GLRA2: variants seen among roughly 807,000 people sequenced by gnomAD.
GLRA2 encodes glycine receptor alpha 2, also known as glycine receptor subunit alpha-2.
GLRA2 carries 11 observed loss-of-function variants against 31.6 expected under a neutral mutation model. That is an observed-to-expected ratio of 0.35 (90% CI 0.22 to 0.58). The LOEUF is 0.58. Among genes scored for constraint, GLRA2 ranks in the 20% least tolerant of loss-of-function variants. The probability of loss-of-function intolerance (pLI) is 0.84; values close to 1 mark genes in which losing one functional copy is unlikely to be tolerated. For synonymous variants in GLRA2, 132 were observed against 134.0 expected (o/e 0.99, Z 0.10); for missense variants, 212 against 351.8 (o/e 0.60, Z 3.18).
chrX:14,519,634 C>A, the GLRA2 span, among the ~76,000 whole-genome samples: 1 of 111,949 alleles, frequency 8.9e-6, no homozygotes, highest in Admixed American at 9.5e-5. Flanking sequence ...TATAAACCTG[C>A]AAGGCTAAGA....
chrX:14,507,653 G>A, the GLRA2 span, among the ~76,000 whole-genome samples: 13 of 101,547 alleles, frequency 1.3e-4, no homozygotes, highest in Non-Finnish European at 7.9e-5. Flanking sequence ...GAAAATGTCC[G>A]ACCGACCACT....
chrX:14,725,076 ATAAC>A (rs948789879), intron 8 of GLRA2, among the ~76,000 whole-genome samples: 5 of 112,047 alleles, frequency 4.5e-5, no homozygotes, highest in African/African-American at 1.6e-4. Flanking sequence ...TATTAGCACT[ATAAC>A]TATAGGAAGC....
intron 2 of GLRA2, among the ~76,000 whole-genome samples, chrX:14,551,084 T>C: frequency 8.9e-6 from 1 of 112,146 alleles, no homozygotes; most frequent in Non-Finnish European, 1.9e-5. Flanking sequence ...TTATCATCCC[T>C]ATTTCACAGA....
chrX:14,606,959 C>T (rs1280788089), intron 5 of GLRA2, among the ~76,000 whole-genome samples, 172 bp from the exon 6 acceptor site: 2 of 112,238 alleles, frequency 1.8e-5, no homozygotes, highest in Admixed American at 9.5e-5. Flanking sequence ...TCTTTGGCTC[C>T]AATGACACAG....
chrX:14,595,852 T>G (rs1472221762), intron 4 of GLRA2, among the ~76,000 whole-genome samples: 1 of 112,257 alleles, frequency 8.9e-6, no homozygotes, highest in Non-Finnish European at 1.9e-5. Flanking sequence ...AGTTCAATAA[T>G]AAATTGAAAC....
intron 4 of GLRA2, among the ~76,000 whole-genome samples, chrX:14,592,702 A>C (rs1222371037): frequency 8.9e-6 from 1 of 111,857 alleles, no homozygotes; most frequent in African/African-American, 3.2e-5. Flanking sequence ...TATAGTTTAC[A>C]CAATGACAAA....
intron 8 of GLRA2, among the ~76,000 whole-genome samples, chrX:14,692,454 A>G (rs1052900823): frequency 9.8e-5 from 11 of 111,978 alleles, no homozygotes; most frequent in African/African-American, 2.9e-4. Flanking sequence ...GCAACTGTCT[A>G]TTGGTCAGTG....
intron 3 of GLRA2, among the ~76,000 whole-genome samples, chrX:14,576,688 C>G (rs1175189071): frequency 8.9e-6 from 1 of 112,175 alleles, no homozygotes; most frequent in Admixed American, 9.5e-5. Context: ...CTATGGATAT[C>G]CTTGTTTTCT....
intron 2 of GLRA2, among the ~76,000 whole-genome samples, chrX:14,548,001 TCTGTACCAATGCAAA>T (rs1484121763): frequency 1.8e-5 from 2 of 112,161 alleles, no homozygotes; most frequent in East Asian, 5.6e-4. Flanking sequence ...AATCTCAGAA[TCTGTACCAATGCAAA>T]CTTGAATATT....
chrX:14,450,290 A>C, the GLRA2 span, among the ~76,000 whole-genome samples: 8 of 112,246 alleles, frequency 7.1e-5, no homozygotes, highest in Admixed American at 4.7e-4. Context: ...TGCCAAGCTC[A>C]GAGGACTAGT....
chrX:14,719,418 A>G (rs1168050629), intron 8 of GLRA2, among the ~76,000 whole-genome samples: 1 of 112,328 alleles, frequency 8.9e-6, no homozygotes, highest in Non-Finnish European at 1.9e-5. Flanking sequence ...TTCTCAAAAG[A>G]AGACATACAA....
At chrX:14,709,599 GAACA>G (rs1303983136) in intron 8 of GLRA2, among the ~76,000 whole-genome samples, 1 of 112,222 alleles carries the variant, frequency 8.9e-6, no homozygotes, top group East Asian at 2.8e-4. Context: ...AAGCGACAGT[GAACA>G]AACAAATGGT....
the GLRA2 span, among the ~76,000 whole-genome samples, chrX:14,516,579 C>T: frequency 9.0e-6 from 1 of 111,408 alleles, no homozygotes; most frequent in Non-Finnish European, 1.9e-5. Flanking sequence ...GGAATTCACA[C>T]CCTAGAGAAG....
At chrX:14,580,296 C>T (rs182749835) in intron 3 of GLRA2, among the ~76,000 whole-genome samples, 65 of 112,585 alleles carry the variant, frequency 5.8e-4, no homozygotes, top group African/African-American at 2.0e-3. Context: ...TGTGGTCACA[C>T]GTAGCAATAG....
At chrX:14,658,922 C>G (rs1266573911) in intron 7 of GLRA2, among the ~76,000 whole-genome samples, 1 of 112,159 alleles carries the variant, frequency 8.9e-6, no homozygotes, top group Non-Finnish European at 1.9e-5. Flanking sequence ...AGACGGTTAT[C>G]TCTTACCCAA....
At chrX:14,544,765 T>G (rs1294545573) in intron 2 of GLRA2, among the ~76,000 whole-genome samples, 1 of 111,586 alleles carries the variant, frequency 9.0e-6, no homozygotes, top group Admixed American at 9.5e-5. Flanking sequence ...TCACTAAATG[T>G]CTTGGGGAAA....
intron 4 of GLRA2, among the ~76,000 whole-genome samples, chrX:14,598,133 G>A (rs1446627827): frequency 1.8e-5 from 2 of 111,506 alleles, no homozygotes; most frequent in African/African-American, 6.5e-5. Flanking sequence ...CAGAGGAACA[G>A]CAATACCCCC....
intron 2 of GLRA2, among the ~76,000 whole-genome samples, chrX:14,543,601 C>T (rs1377780976): frequency 1.8e-5 from 2 of 111,217 alleles, no homozygotes; most frequent in Non-Finnish European, 3.8e-5. Context: ...AATTCATGTA[C>T]AAAGGCTGCT....
At chrX:14,557,102 C>CTTTTTTTTT (rs58282642) in intron 2 of GLRA2, among the ~76,000 whole-genome samples, 3 of 46,357 alleles carry the variant, frequency 6.5e-5, no homozygotes, top group African/African-American at 9.6e-5. Context: ...TAAAGTATTT[C>CTTTTTTTTT]TTTTTTTTTT....
Sources: allele counts gnomAD v4.1 joint callset (sites outside exome capture counted in the v4.1 genomes callset), GRCh38; gene constraint gnomAD v4.1.1; transcripts MANE v1.5; gene names NCBI Gene and HGNC (gene_info 2026-07-23, HGNC 2026-07-21).